COG1: variants seen among roughly 807,000 people sequenced by gnomAD.
COG1 encodes the protein component of oligomeric golgi complex 1.
In COG1, 61 loss-of-function variants were observed where a neutral mutation model predicts 102.2. The observed-to-expected ratio is 0.60, with a 90% CI of 0.49 to 0.74. The LOEUF (loss-of-function observed/expected upper bound fraction) is 0.74. COG1 is among the 30% of genes least tolerant of loss of function. The pLI is 0.00. For missense variants in COG1, 1,164 were observed against 1,232.1 expected (o/e 0.94, Z 0.83); for synonymous variants, 454 against 493.6 (o/e 0.92, Z 1.06).
intron 2 of COG1, 30 bp from the exon 3 acceptor site, chr17:73,196,870 C>G (rs949454130): frequency 6.2e-7 from 1 of 1,613,866 alleles, no homozygotes; most frequent in African/African-American, 1.3e-5. Context: ...GTGAAAAACA[C>G]CCTGGCGACT....
chr17:73,198,143 G>A (rs1050582050), intron 4 of COG1, among the ~76,000 whole-genome samples: 3 of 152,044 alleles, frequency 2.0e-5, no homozygotes, highest in Admixed American at 6.6e-5. Flanking sequence ...GGTGTCAGCC[G>A]CTGGGAGCTT....
Position 73,196,591 on chromosome 17 carries a change from T to A in COG1, c.400T>A (p.Ser134Thr). ...LLEIPEKIWSSMEASQCLHAT... is the reference protein window; with the variant it reads ...LLEIPEKIWSTMEASQCLHAT... ...AGAAATTCCGGAGAAGATCTGGAGC[T>A]CGATGGAAGCCTCTCAGTGTCTCCA... The change falls in exon 2 of 14, where the codon TCG (serine) becomes ACG (threonine). Residue 134 changes from serine to threonine, a missense_variant. Physicochemically the swap from Ser to Thr is moderately conservative, Grantham distance 58. Coordinates refer to ENST00000299886, the MANE Select transcript of COG1 (RefSeq NM_018714.3). 6.2e-7 allele frequency: 1 copy of A among 1,614,208 alleles called. No homozygotes were observed. Among genetic ancestry groups the A allele is most frequent in the Non-Finnish European group, 8.5e-7 (1 of 1,180,040 alleles).
Position 73,197,377 on chromosome 17 carries a change from C to G in COG1, c.894C>G (p.Ile298Met). ...CGLLFSTLET[I>M]TGQHPAGKGT... ...TGCTCTTCTCTACTCTGGAGACCAT[C>G]ACAGGCCAGCATCCTGCCGGTGAGC... Residue 298 changes from isoleucine to methionine, a missense_variant, in exon 4 of 14, where the codon ATC becomes ATG. Ile to Met is a conservative substitution (Grantham distance 10). Coordinates refer to ENST00000299886, the MANE Select transcript of COG1 (RefSeq NM_018714.3). The G allele has an allele frequency of 6.2e-7, 1 of 1,614,180 alleles. No individual in the cohort carries two copies. The highest frequency in any genetic ancestry group is 8.5e-7 in the Non-Finnish European group (1 of 1,180,042).
intron 8 of COG1, 43 bp from the exon 9 acceptor site, chr17:73,203,584 CATTTA>C: frequency 1.9e-6 from 3 of 1,606,846 alleles, no homozygotes. Context: ...CACTGTGTGT[CATTTA>C]ATTGGTGCAA....
In COG1 at chr17:73,206,695, T is replaced by A; in HGVS notation, c.2620-13T>A. 1 of 1,507,722 alleles carries A rather than the reference T, an allele frequency of 6.6e-7. No homozygotes were observed. The highest frequency in any genetic ancestry group is 9.2e-7 in the Non-Finnish European group (1 of 1,090,412). The allele number at this position is 1,507,722 out of a possible 1,614,324, so 93.4% of individuals were successfully genotyped here. A position where few individuals can be genotyped will look rare whatever the true frequency, so the allele number is the denominator to read the frequency against. On this transcript the variant is annotated splice_polypyrimidine_tract_variant and intron_variant, in intron 11 of 13. Coordinates refer to ENST00000299886, the MANE Select transcript of COG1 (RefSeq NM_018714.3). ...TGCACAATGAAACCTCTGCTCCACC[T>A]CTTGTCTGCCAGGTTCTGTTTGGAT...
chr17:73,207,599 G>T, intron 13 of COG1: 1 of 912,070 alleles, frequency 1.1e-6, no homozygotes. Flanking sequence ...GTTTTGTTCT[G>T]GTGATGATGG....
In COG1 at chr17:73,201,820, G is replaced by T. The variant is rs746201377; in HGVS notation, c.1993G>T (p.Ala665Ser). Reference sequence around the variant, plus strand: ...AACTCAGGAAATCATTCCTACACAGGCCAAGTGGCAAGAGGTTAAAGAAGT... The same window carrying T: ...AACTCAGGAAATCATTCCTACACAGTCCAAGTGGCAAGAGGTTAAAGAAGT... ...VKTQEIIPTQ[A>S]KWQEVKEVLL... Residue 665 changes from alanine (A) to serine (S), a missense_variant, in exon 7 of 14, where the codon GCC becomes TCC. Physicochemically the swap from Ala to Ser is moderately conservative, Grantham distance 99. Transcript: ENST00000299886. The T allele has an allele frequency of 5.0e-6, 8 of 1,614,176 alleles. No individual in the cohort carries two copies. Among genetic ancestry groups the T allele is most frequent in the Non-Finnish European group, 6.8e-6 (8 of 1,180,032 alleles).
At position 73,197,068 on chromosome 17, in the gene COG1, C is replaced by T; in HGVS notation, c.729C>T (p.Asn243=). Residue 243 remains asparagine (N), a synonymous_variant, in exon 3 of 14, where the codon AAC becomes AAT. Transcript: ENST00000299886. ...ARKATIQKLL[N]QPHHGAGIKA... ...AGGCAACTATTCAGAAACTTCTCAA[C>T]CAGCCACACCATGGTGGGTGTGGCT... 1 of 1,614,218 alleles carries T rather than the reference C, an allele frequency of 6.2e-7. No individual in the cohort carries two copies. Among genetic ancestry groups the T allele is most frequent in the Non-Finnish European group, 8.5e-7 (1 of 1,180,044 alleles).
chr17:73,197,011 C>A lies in COG1; in HGVS notation c.672C>A (p.Arg224=). The change falls in exon 3 of 14, where the codon CGC becomes CGA. Residue 224 remains arginine, a synonymous_variant. Transcript: ENST00000299886. ...SIMLLEESSP[R]QALTDFLLAR... ...TGCTCTTAGAAGAGAGTTCTCCTCG[C>A]CAAGCCCTCACAGACTTCCTGCTGG... 1 of 1,614,222 alleles carries A rather than the reference C, an allele frequency of 6.2e-7. No individual in the cohort carries two copies. The highest frequency in any genetic ancestry group is 8.5e-7 in the Non-Finnish European group (1 of 1,180,044).
At chr17:73,203,203 A>C (rs2061354191) in intron 8 of COG1, 57 bp downstream of exon 8, 1 of 1,592,438 alleles carries the variant, frequency 6.3e-7, no homozygotes, top group Non-Finnish European at 8.6e-7. Flanking sequence ...AAAAGAAGAA[A>C]GATTTTAGAA....
chr17:73,205,429 G>A, intron 9 of COG1, 124 bp from the exon 10 acceptor site: 2 of 988,088 alleles, frequency 2.0e-6, no homozygotes, highest in Non-Finnish European at 3.2e-6. Flanking sequence ...CTGGCCATAT[G>A]AGCATTAAAA....
chr17:73,204,794 C>A (rs1274349867), intron 9 of COG1, among the ~76,000 whole-genome samples: 1 of 152,084 alleles, frequency 6.6e-6, no homozygotes, highest in African/African-American at 2.4e-5. Context: ...TGGGTTCAAG[C>A]AAATCGCTTG....
chr17:73,208,334 C>T lies in COG1; in HGVS notation c.2826C>T (p.Ser942=), dbSNP rs767159115. 4.3e-5 allele frequency: 70 copies of T among 1,613,914 alleles called. No individual in the cohort carries two copies. Among genetic ancestry groups the T allele is most frequent in the Middle Eastern group, 3.4e-4 (2 of 5,948 alleles). ...TKAQVVPPAR[S]TAGDPTVPGS... Reference sequence around the variant, plus strand: ...GGCAGGTTGTCCCCCCGGCACGCTCCACAGCTGGTGACCCGACAGTTCCTG... The same window carrying T: ...GGCAGGTTGTCCCCCCGGCACGCTCTACAGCTGGTGACCCGACAGTTCCTG... Residue 942 remains serine (S), a synonymous_variant, in exon 14 of 14, where the codon TCC becomes TCT. Transcript: ENST00000299886.
Position 73,201,339 on chromosome 17 carries a change from C to T in COG1, c.1512C>T (p.Ser504=), listed in dbSNP as rs1453422816. ...GTCAGTTTGCCAGTAGCGGCCTCTCCATGAAAGCACAAGCCATCAGCCCTT... is the reference window on the plus strand; with the variant it reads ...GTCAGTTTGCCAGTAGCGGCCTCTCTATGAAAGCACAAGCCATCAGCCCTT... ...NRGQFASSGL[S]MKAQAISPCV... is the part of the protein sequence containing the mutation. Residue 504 remains serine (S), a synonymous_variant, in exon 7 of 14, where the codon TCC becomes TCT. Transcript: ENST00000299886. The T allele has an allele frequency of 6.2e-7, 1 of 1,614,218 alleles. No individual in the cohort carries two copies. The highest frequency in any genetic ancestry group is 1.7e-5 in the Admixed American group (1 of 60,028).
Position 73,205,590 on chromosome 17 carries a change from T to C in COG1, c.2420T>C (p.Leu807Pro), listed in dbSNP as rs377621078. The C allele has an allele frequency of 2.5e-6, 4 of 1,614,212 alleles. No homozygotes were observed. Among genetic ancestry groups the C allele is most frequent in the Admixed American group, 1.7e-5 (1 of 60,024 alleles). Residue 807 changes from leucine to proline, a missense_variant, in exon 10 of 14, where the codon CTG becomes CCG. Leu to Pro is a moderately conservative substitution (Grantham distance 98). Transcript: ENST00000299886. ...TTTCCAGTCACCCAGAACCGGGCGC[T>C]GCAGCTGCTTTATGATCTGCGTTAC... is the stretch of plus-strand genomic sequence containing the variant. ...GAFPVTQNRA[L>P]QLLYDLRYLN...
chr17:73,206,551 G>A (rs865940000), intron 11 of COG1, among the ~76,000 whole-genome samples, 157 bp from the exon 12 acceptor site: 2 of 151,872 alleles, frequency 1.3e-5, no homozygotes. Context: ...CCTGTGGGCA[G>A]TGATAAAAAG....
chr17:73,201,028 G>A (rs1297233115), intron 6 of COG1, 81 bp from the exon 7 acceptor site: 10 of 1,312,124 alleles, frequency 7.6e-6, no homozygotes, highest in Admixed American at 3.4e-5. Flanking sequence ...TGAATGCTAG[G>A]ATAAATTACC....
Position 73,201,819 on chromosome 17 carries a change from G to C in COG1, c.1992G>C (p.Gln664His). Reference protein sequence around the residue: ...KVKTQEIIPTQAKWQEVKEVL... With the variant: ...KVKTQEIIPTHAKWQEVKEVL... Reference sequence around the variant, plus strand: ...AAACTCAGGAAATCATTCCTACACAGGCCAAGTGGCAAGAGGTTAAAGAAG... The same window carrying C: ...AAACTCAGGAAATCATTCCTACACACGCCAAGTGGCAAGAGGTTAAAGAAG... The change falls in exon 7 of 14, where the codon CAG (glutamine) becomes CAC (histidine). Residue 664 changes from glutamine to histidine, a missense_variant. By Grantham distance (24) the Gln-to-His change is conservative. Coordinates refer to ENST00000299886, the MANE Select transcript of COG1 (RefSeq NM_018714.3). 1.9e-6 allele frequency: 3 copies of C among 1,614,162 alleles called. No homozygotes were observed. The highest frequency in any genetic ancestry group is 1.7e-6 in the Non-Finnish European group (2 of 1,180,020).
Position 73,207,260 on chromosome 17 carries a change from G to A in COG1, c.2805+4G>A. ...AAACATCGAAACAAAAGCTCAGGTTGGTGCCAAGAGCAAGAGGCTCATCCG... is the reference window on the plus strand; with the variant it reads ...AAACATCGAAACAAAAGCTCAGGTTAGTGCCAAGAGCAAGAGGCTCATCCG... On this transcript the variant is annotated splice_donor_region_variant and intron_variant, in intron 13 of 13. Coordinates refer to ENST00000299886, the MANE Select transcript of COG1 (RefSeq NM_018714.3). The A allele has an allele frequency of 6.2e-7, 1 of 1,613,978 alleles. No homozygotes were observed.
Sources: allele counts gnomAD v4.1 joint callset (sites outside exome capture counted in the v4.1 genomes callset), GRCh38; gene constraint gnomAD v4.1.1; transcripts MANE v1.5; gene names NCBI Gene and HGNC (gene_info 2026-07-23, HGNC 2026-07-21).